The following SSH1 variants were observed in gnomAD, a reference collection of about 807,000 sequenced individuals.
SSH1 encodes the protein slingshot protein phosphatase 1.
SSH1 carries 43 observed loss-of-function variants against 79.7 expected under a neutral mutation model. That is an observed-to-expected ratio of 0.54 (90% CI 0.42 to 0.70). The LOEUF (loss-of-function observed/expected upper bound fraction) is 0.70. Among genes scored for constraint, SSH1 ranks in the 30% least tolerant of loss-of-function variants. SSH1 has a pLI of 0.00. For synonymous variants in SSH1, 599 were observed against 538.3 expected, an observed-to-expected ratio of 1.11 and a Z score of -1.56; for missense variants, 1,206 against 1,358.8, an observed-to-expected ratio of 0.89 and a Z score of 1.77.
At position 108,831,639 on chromosome 12, in the gene SSH1, A is replaced by G. The variant is rs11610407; in HGVS notation, c.111-8278T>C. Among the ~76,000 whole-genome samples, 563 of 152,250 alleles carry G rather than the reference A, an allele frequency of 3.7e-3. 1 individual carries two copies. The highest frequency in any genetic ancestry group is 5.9e-3 in the Non-Finnish European group (402 of 67,998). On this transcript the variant is annotated intron_variant, in intron 2 of 14. Coordinates refer to ENST00000326495, the MANE Select transcript of SSH1 (RefSeq NM_018984.4). ...GTTCAGGGAGGCCTCCCTGGAAGAA[A>G]TGAAGCCTGCGAGGCCCTGAAGGAT...
At chr12:108,806,161 GA>G in intron 9 of SSH1, 139 bp downstream of exon 9, 1 of 837,552 alleles carries the variant, frequency 1.2e-6, no homozygotes. Flanking sequence ...GAACGAGGCA[GA>G]AAAAAGCCTC....
chr12:108,787,407 TA>T lies in SSH1; in HGVS notation c.*580del, dbSNP rs1326861148. ...TCAGCAGTGCTTGGGGCTGTCGGGT[TA>T]AAAGTCTTGACACGTCTGGGGTCCC... On this transcript the variant is annotated 3_prime_UTR_variant, in exon 15 of 15. Transcript: ENST00000326495. 6.3e-6 allele frequency: 1 copy of T among 157,510 alleles called. No homozygotes were observed. 9.8% of individuals were successfully genotyped at this position (157,510 alleles called of 1,614,324 possible). A position where few individuals can be genotyped will look rare whatever the true frequency, so the allele number is the denominator to read the frequency against.
chr12:108,829,884 T>C (rs1421397758), intron 2 of SSH1, among the ~76,000 whole-genome samples: 1 of 152,044 alleles, frequency 6.6e-6, no homozygotes, highest in Non-Finnish European at 1.5e-5. Context: ...GGAGAATCAG[T>C]TGACCCCTGG....
intron 7 of SSH1, among the ~76,000 whole-genome samples, chr12:108,808,801 T>G (rs1283062915): frequency 1.3e-5 from 2 of 151,828 alleles, no homozygotes; most frequent in African/African-American, 4.8e-5. Flanking sequence ...TATGTTTTAT[T>G]TAGTCACCCT....
intron 1 of SSH1, chr12:108,853,140 A>C: frequency 1.0e-6 from 1 of 985,444 alleles, no homozygotes. Flanking sequence ...CAAGACTTGC[A>C]CAGTGGAAGG....
At chr12:108,795,939 G>T (rs889192950) in intron 13 of SSH1, among the ~76,000 whole-genome samples, 1 of 151,934 alleles carries the variant, frequency 6.6e-6, no homozygotes, top group Non-Finnish European at 1.5e-5. Context: ...AAAAGGTCTC[G>T]CTCTGTTGCT....
chr12:108,821,017 T>C (rs2038097694), intron 3 of SSH1, among the ~76,000 whole-genome samples: 1 of 152,228 alleles, frequency 6.6e-6, no homozygotes, highest in African/African-American at 2.4e-5. Context: ...TGCTTTGTCA[T>C]ATGTGTTACA....
intron 1 of SSH1, among the ~76,000 whole-genome samples, chr12:108,853,976 A>G (rs2039096271): frequency 6.6e-6 from 1 of 152,084 alleles, no homozygotes; most frequent in African/African-American, 2.4e-5. Context: ...ACATCATATT[A>G]AGATGAAGTA....
In SSH1 at chr12:108,800,904, T is replaced by C. The variant is rs2036971221; in HGVS notation, c.1024A>G (p.Thr342Ala). 1 of 1,613,858 alleles carries C rather than the reference T, an allele frequency of 6.2e-7. No homozygotes were observed. Among genetic ancestry groups the C allele is most frequent in the South Asian group, 1.1e-5 (1 of 91,058 alleles). Residue 342 changes from threonine to alanine, a missense_variant, in exon 12 of 15, where the codon ACC (threonine) becomes GCC (alanine). Transcript: ENST00000326495. The stretch of plus-strand genomic sequence containing the variant: ...GGAAAAAAATTATCGATTTCTCTGG[T>C]AACATTTAAAATGTAATCAACCCTG... ...GSGVDYILNV[T>A]REIDNFFPGL...
Position 108,799,219 on chromosome 12 carries a change from T to C in SSH1, c.1149-19A>G, listed in dbSNP as rs1296095735. On this transcript the variant is annotated intron_variant, in intron 12 of 14. Coordinates refer to ENST00000326495, the MANE Select transcript of SSH1 (RefSeq NM_018984.4). Reference sequence around the variant, plus strand: ...GTTCCTCCTGCAGGGGTGGGAGCAGTTGGGGAGGAGAGATGGGGGAGAAGC... The same window carrying C: ...GTTCCTCCTGCAGGGGTGGGAGCAGCTGGGGAGGAGAGATGGGGGAGAAGC... The C allele has an allele frequency of 5.6e-6, 9 of 1,601,594 alleles. No individual in the cohort carries two copies. The highest frequency in any genetic ancestry group is 6.0e-6 in the Non-Finnish European group (7 of 1,171,950).
chr12:108,818,889 G>A (rs1169939708), intron 3 of SSH1, among the ~76,000 whole-genome samples: 7 of 152,192 alleles, frequency 4.6e-5, no homozygotes, highest in African/African-American at 9.7e-5. Flanking sequence ...AAGTAGCTGG[G>A]ATTACAGGTG....
intron 5 of SSH1, among the ~76,000 whole-genome samples, chr12:108,815,241 G>A (rs2037830355): frequency 1.3e-5 from 2 of 152,190 alleles, no homozygotes; most frequent in Non-Finnish European, 2.9e-5. Context: ...CTGCAGCCTC[G>A]TGAGCTTCTG....
intron 3 of SSH1, among the ~76,000 whole-genome samples, chr12:108,822,653 C>T (rs2038167496): frequency 6.6e-6 from 1 of 152,180 alleles, no homozygotes; most frequent in African/African-American, 2.4e-5. Context: ...CTGCCTTCAG[C>T]TCTGAGTCAA....
intron 2 of SSH1, among the ~76,000 whole-genome samples, chr12:108,841,199 C>T (rs1477340170): frequency 6.6e-6 from 1 of 152,178 alleles, no homozygotes; most frequent in Admixed American, 6.5e-5. Flanking sequence ...ACAGCTTTGC[C>T]CCATTTATCA....
In SSH1 at chr12:108,807,135, G is replaced by C. The variant is rs2037319138; in HGVS notation, c.731+498C>G. ...GCCTCTCCATGTCAGCGCTGTCGTAGGTCACACGACACAGGTCATGTGGTT... is the reference window on the plus strand; with the variant it reads ...GCCTCTCCATGTCAGCGCTGTCGTACGTCACACGACACAGGTCATGTGGTT... On this transcript the variant is annotated intron_variant, in intron 8 of 14. Transcript: ENST00000326495. This position sits in a 1 kb window ranked among gnomAD's most constrained non-coding sequence, Gnocchi z 5.2. 6.6e-6 allele frequency among the ~76,000 whole-genome samples: 1 copy of C among 152,330 alleles called. No homozygotes were observed. Among genetic ancestry groups the C allele is most frequent in the Non-Finnish European group, 1.5e-5 (1 of 68,032 alleles).
rs1379502446 is a variant in SSH1 at position 108,787,967 on chromosome 12, C to A, written c.*21G>T. 6.2e-7 allele frequency: 1 copy of A among 1,614,038 alleles called. No homozygotes were observed. Among genetic ancestry groups the A allele is most frequent in the South Asian group, 1.1e-5 (1 of 91,062 alleles). The stretch of plus-strand genomic sequence containing the variant: ...GGATCATATGAAAATATCCGCCCAG[C>A]CTGACGCAGCAAAAGGCGGGTCAGC... On this transcript the variant is annotated 3_prime_UTR_variant, in exon 15 of 15. Transcript: ENST00000326495.
At chr12:108,827,405 T>A in intron 2 of SSH1, 2 of 1,478,982 alleles carry the variant, frequency 1.4e-6, no homozygotes, top group Non-Finnish European at 1.8e-6. Context: ...GCTCTGGCCA[T>A]CTGCTCCCTA....
At chr12:108,817,017 C>T (rs1435978666) in intron 5 of SSH1, 21 bp downstream of exon 5, 8 of 1,613,372 alleles carry the variant, frequency 5.0e-6, no homozygotes, top group Non-Finnish European at 6.8e-6. Context: ...CAGAAGGGAA[C>T]ACCTAGCCCA....
At chr12:108,838,935 T>C (rs890920713) in intron 2 of SSH1, among the ~76,000 whole-genome samples, 1 of 152,226 alleles carries the variant, frequency 6.6e-6, no homozygotes, top group African/African-American at 2.4e-5. Context: ...AACCTTCCCC[T>C]TACTTCATCT....
Sources: gnomAD v4.1 joint callset for allele counts (sites outside exome capture counted in the v4.1 genomes callset) on GRCh38, gnomAD v4.1.1 for gene constraint, Gnocchi (gnomAD v3.1) non-coding constraint, MANE v1.5 for transcripts, NCBI Gene and HGNC (gene_info 2026-07-23, HGNC 2026-07-21) for gene names.